The following KSR2 variants were observed in gnomAD, a reference collection of about 807,000 sequenced individuals.
The protein encoded by KSR2 is kinase suppressor of ras 2.
KSR2 carries 25 observed loss-of-function variants against 107.8 expected under a neutral mutation model. The ratio of observed to expected loss-of-function variants is 0.23; its 90% CI spans 0.17 to 0.32. KSR2 has a LOEUF of 0.32. Among genes scored for constraint, KSR2 ranks in the 10% least tolerant of loss-of-function variants. The pLI, the probability that KSR2 is intolerant of heterozygous loss-of-function variation, is 1.00. For missense variants in KSR2, 887 were observed against 1,268.9 expected, an observed-to-expected ratio of 0.70 and a Z score of 4.57; for synonymous variants, 480 against 507.0, an observed-to-expected ratio of 0.95 and a Z score of 0.71.
chr12:117,755,493 C>T (rs527946152), intron 4 of KSR2, among the ~76,000 whole-genome samples: 105 of 152,162 alleles, frequency 6.9e-4, no homozygotes, highest in Non-Finnish European at 1.3e-3. Context: ...TTTTGGGGTG[C>T]CACAAACCGT....
rs532528629 is a variant in KSR2, at chr12:117,730,508, C to T, written c.986+30503G>A. Among the ~76,000 whole-genome samples the T allele has an allele frequency of 1.8e-3, 269 of 151,824 alleles. 1 individual carries two copies. The highest frequency in any genetic ancestry group is 3.6e-3 in the South Asian group (17 of 4,782). On this transcript the variant is annotated intron_variant, in intron 4 of 19. Transcript: ENST00000339824. ...CTCCCCTCTCCCTCTCCCCCTTCCA[C>T]GGTCTCCCTCTCCCTCATCTCCCCT...
intron 3 of KSR2, among the ~76,000 whole-genome samples, chr12:117,775,173 G>C (rs1889643513): frequency 6.6e-6 from 1 of 152,164 alleles, no homozygotes; most frequent in Non-Finnish European, 1.5e-5. Context: ...CATATATCTA[G>C]GGGTGGAGTT....
intron 4 of KSR2, among the ~76,000 whole-genome samples, chr12:117,730,413 G>C (rs1240788457): frequency 1.3e-5 from 2 of 151,894 alleles, no homozygotes; most frequent in African/African-American, 2.4e-5. Flanking sequence ...TATTATAAAA[G>C]TGAAATCCCT....
intron 3 of KSR2, among the ~76,000 whole-genome samples, chr12:117,826,431 G>T (rs1426558946): frequency 6.6e-6 from 1 of 151,992 alleles, no homozygotes; most frequent in Non-Finnish European, 1.5e-5. Context: ...GATAAGCAAG[G>T]CAGGGTCAGG....
chr12:117,585,934 G>A (rs1160852960), intron 5 of KSR2, among the ~76,000 whole-genome samples: 1 of 152,220 alleles, frequency 6.6e-6, no homozygotes, highest in Non-Finnish European at 1.5e-5. Context: ...GAGGTGGAAG[G>A]AGGGAGGATT....
At chr12:117,705,751 A>AG (rs759598977) in intron 4 of KSR2, among the ~76,000 whole-genome samples, 2 of 152,158 alleles carry the variant, frequency 1.3e-5, no homozygotes, top group Admixed American at 6.5e-5. Context: ...GAGGATGAAG[A>AG]GGGGGTGCCC....
intron 3 of KSR2, 103 bp downstream of exon 3, chr12:117,855,323 ACT>A (rs1893062399): frequency 2.7e-6 from 4 of 1,481,010 alleles, no homozygotes; most frequent in Non-Finnish European, 1.8e-6. Flanking sequence ...CCCAGGGTTG[ACT>A]CTGTCTCGTC....
intron 5 of KSR2, among the ~76,000 whole-genome samples, chr12:117,656,951 TATATATAATAGG>T (rs1397571041): frequency 1.5e-4 from 18 of 121,144 alleles, no homozygotes; most frequent in African/African-American, 3.4e-4. Context: ...GATATATATA[TATATATAATAGG>T]ATATATATAT....
At chr12:117,691,270 G>A (rs1441853745) in intron 4 of KSR2, among the ~76,000 whole-genome samples, 2 of 152,116 alleles carry the variant, frequency 1.3e-5, no homozygotes, top group Non-Finnish European at 2.9e-5. Context: ...GTAGACTCAG[G>A]GAGCAATGTC....
chr12:117,756,825 T>C (rs1888809468), intron 4 of KSR2, among the ~76,000 whole-genome samples: 1 of 152,104 alleles, frequency 6.6e-6, no homozygotes, highest in Non-Finnish European at 1.5e-5. Flanking sequence ...GAGGCTGAGG[T>C]GGGTGGATCA....
intron 5 of KSR2, among the ~76,000 whole-genome samples, chr12:117,647,906 A>G (rs1883722946): frequency 6.6e-6 from 1 of 152,058 alleles, no homozygotes; most frequent in Admixed American, 6.6e-5. Flanking sequence ...TGGGGGTCTC[A>G]GCACATTGCC....
chr12:117,561,057 T>A (rs1878084408), intron 7 of KSR2, among the ~76,000 whole-genome samples: 1 of 152,246 alleles, frequency 6.6e-6, no homozygotes, highest in African/African-American at 2.4e-5. Context: ...TGGCAAATTA[T>A]GTTGATTTTT....
At chr12:117,649,770 G>C (rs1883807455) in intron 5 of KSR2, among the ~76,000 whole-genome samples, 1 of 152,102 alleles carries the variant, frequency 6.6e-6, no homozygotes, top group Admixed American at 6.5e-5. Context: ...GGAGTGTCAG[G>C]GGATGGGAGA....
intron 1 of KSR2, among the ~76,000 whole-genome samples, chr12:117,919,966 T>C (rs971982875): frequency 1.3e-5 from 2 of 152,362 alleles, no homozygotes; most frequent in South Asian, 4.1e-4. Flanking sequence ...TAGATTACAA[T>C]GTAGCACTTT....
At chr12:117,946,114 GAA>G in intron 1 of KSR2, among the ~76,000 whole-genome samples, 1 of 152,088 alleles carries the variant, frequency 6.6e-6, no homozygotes, top group Non-Finnish European at 1.5e-5. Context: ...ACATCAGAAA[GAA>G]AAGAGTTCTC....
At chr12:117,580,958 A>G (rs1237769000) in intron 6 of KSR2, among the ~76,000 whole-genome samples, 1 of 152,026 alleles carries the variant, frequency 6.6e-6, no homozygotes, top group African/African-American at 2.4e-5. Context: ...CGGTTGATCA[A>G]GGGGCGTGGC....
intron 3 of KSR2, 87 bp from the exon 4 acceptor site, chr12:117,761,611 A>C: frequency 8.1e-7 from 1 of 1,227,402 alleles, no homozygotes. Flanking sequence ...CATCATACAC[A>C]CATTACACCA....
chr12:117,706,901 C>T (rs577650673), intron 4 of KSR2, among the ~76,000 whole-genome samples: 2 of 152,106 alleles, frequency 1.3e-5, no homozygotes, highest in Non-Finnish European at 2.9e-5. Flanking sequence ...CACACAAAAT[C>T]TTGTACATGA....
At chr12:117,798,735 A>ATATATATATATATATC (rs10667993) in intron 3 of KSR2, among the ~76,000 whole-genome samples, 6 of 142,496 alleles carry the variant, frequency 4.2e-5, no homozygotes, top group South Asian at 2.3e-4. Flanking sequence ...ATATATATAT[A>ATATATATATATATATC]TCAACCCAAA....
Sources: gnomAD v4.1 joint callset for allele counts (sites outside exome capture counted in the v4.1 genomes callset) on GRCh38, gnomAD v4.1.1 for gene constraint, MANE v1.5 for transcripts, NCBI Gene and HGNC (gene_info 2026-07-23, HGNC 2026-07-21) for gene names.